Variants in CFAP47 observed in about 807,000 individuals in gnomAD.
The protein encoded by CFAP47 is cilia and flagella associated protein 47.
In CFAP47, 29 loss-of-function variants were observed where a neutral mutation model predicts 148.1. That is an observed-to-expected ratio of 0.20 (90% CI 0.15 to 0.27). The LOEUF is 0.27. Ranked by LOEUF, CFAP47 falls within the 10% of genes least tolerant of loss-of-function variation. The pLI is 1.00. For synonymous variants in CFAP47, 664 were observed against 577.3 expected, an observed-to-expected ratio of 1.15 and a Z score of -2.15; for missense variants, 1,872 against 1,697.5, an observed-to-expected ratio of 1.10 and a Z score of -1.81.
intron 62 of CFAP47, among the ~76,000 whole-genome samples, chrX:36,377,362 G>C (rs992390611): frequency 7.1e-5 from 8 of 111,937 alleles, no homozygotes; most frequent in African/African-American, 1.6e-4. Flanking sequence ...ATTTGCATTT[G>C]TCTGATGGCC....
intron 39 of CFAP47, among the ~76,000 whole-genome samples, chrX:36,170,562 T>C (rs1322094202): frequency 1.8e-5 from 2 of 110,917 alleles, no homozygotes; most frequent in Non-Finnish European, 3.8e-5. Context: ...TTTTTTGTTC[T>C]TGTGATAGTT....
intron 15 of CFAP47, 56 bp downstream of exon 15, chrX:35,975,969 T>G (rs1569221676): frequency 1.8e-6 from 2 of 1,129,334 alleles, no homozygotes; most frequent in East Asian, 6.0e-5. Context: ...TATTCATGTA[T>G]TCTGGTATTA....
At chrX:35,972,120 TGA>T (rs905903160) in intron 13 of CFAP47, among the ~76,000 whole-genome samples, 155 bp downstream of exon 13, 1 of 112,519 alleles carries the variant, frequency 8.9e-6, no homozygotes, top group Non-Finnish European at 1.9e-5. Flanking sequence ...TAAGTATGAC[TGA>T]GAGAATTAAC....
At chrX:36,309,253 A>C (rs782591168) in intron 55 of CFAP47, among the ~76,000 whole-genome samples, 1 of 110,988 alleles carries the variant, frequency 9.0e-6, no homozygotes. Flanking sequence ...AAGAAGTTAT[A>C]AAATCAGTGG....
chrX:36,071,888 C>T lies in CFAP47; in HGVS notation c.4382C>T (p.Pro1461Leu). Residue 1461 changes from proline (P) to leucine (L), a missense_variant, in exon 28 of 64, where the codon CCA becomes CTA. Transcript: ENST00000378653. ...GVLPPYQDAK[P>L]PSPASIKKTY... The stretch of plus-strand genomic sequence containing the variant: ...TTGCCTCCCTACCAGGATGCTAAAC[C>T]ACCCTCTCCTGCTTCAATTAAAAAG... The T allele has an allele frequency of 1.7e-6, 2 of 1,204,807 alleles. No individual in the cohort carries two copies. The highest frequency in any genetic ancestry group is 2.2e-6 in the Non-Finnish European group (2 of 889,886).
intron 25 of CFAP47, 148 bp downstream of exon 25, chrX:36,039,327 A>C: frequency 3.2e-6 from 1 of 315,276 alleles, no homozygotes; most frequent in East Asian, 5.1e-5. Context: ...TTTAACAAAA[A>C]AACCAAAAAA....
intron 26 of CFAP47, 56 bp from the exon 27 acceptor site, chrX:36,065,587 G>A (rs931450676): frequency 6.2e-6 from 4 of 647,437 alleles, no homozygotes; most frequent in African/African-American, 4.4e-5. Context: ...TAAATGCATG[G>A]CATTTACTGC....
chrX:36,359,585 A>G (rs1602125383), intron 60 of CFAP47, among the ~76,000 whole-genome samples: 1 of 111,516 alleles, frequency 9.0e-6, no homozygotes, highest in East Asian at 2.8e-4. Context: ...ATTTGTATAT[A>G]TATTTACTTT....
intron 57 of CFAP47, among the ~76,000 whole-genome samples, chrX:36,320,155 C>A (rs1941467307): frequency 9.0e-6 from 1 of 111,210 alleles, no homozygotes; most frequent in Admixed American, 9.6e-5. Flanking sequence ...TATTAACCAC[C>A]CCACCTGTGT....
At chrX:36,153,193 G>C (rs1309270484) in intron 37 of CFAP47, among the ~76,000 whole-genome samples, 1 of 112,000 alleles carries the variant, frequency 8.9e-6, no homozygotes, top group African/African-American at 3.2e-5. Flanking sequence ...TACAATGATG[G>C]AATAGGCGTA....
chrX:36,133,984 CAATTA>C (rs891388438), intron 33 of CFAP47, among the ~76,000 whole-genome samples: 7 of 109,909 alleles, frequency 6.4e-5, no homozygotes, highest in African/African-American at 2.0e-4. Context: ...GATCACTATA[CAATTA>C]AATTAAATTA....
At chrX:36,261,990 C>T (rs918643822) in intron 49 of CFAP47, among the ~76,000 whole-genome samples, 1 of 110,150 alleles carries the variant, frequency 9.1e-6, no homozygotes, top group African/African-American at 3.3e-5. Flanking sequence ...GGTGGCTGGC[C>T]GGGCGGGGGC....
chrX:36,009,064 T>C (rs1601929130), intron 21 of CFAP47, among the ~76,000 whole-genome samples: 1 of 111,287 alleles, frequency 9.0e-6, no homozygotes, highest in East Asian at 2.8e-4. Flanking sequence ...AGAAACTAAG[T>C]GACACATTGA....
At chrX:36,251,490 A>C (rs1447344417) in intron 49 of CFAP47, 46 bp downstream of exon 49, 3 of 449,345 alleles carry the variant, frequency 6.7e-6, no homozygotes, top group Non-Finnish European at 7.8e-6. Flanking sequence ...CTACTACGCT[A>C]AGATGGAAAT....
intron 51 of CFAP47, among the ~76,000 whole-genome samples, chrX:36,298,237 C>G (rs782323179): frequency 1.9e-5 from 2 of 104,323 alleles, no homozygotes; most frequent in Non-Finnish European, 3.9e-5. Context: ...CCATAAAAAA[C>G]GATGAGTTCA....
intron 48 of CFAP47, among the ~76,000 whole-genome samples, chrX:36,237,487 G>A (rs193194844): frequency 1.1e-3 from 122 of 111,172 alleles, no homozygotes; most frequent in African/African-American, 3.6e-3. Context: ...GTGCCACCAC[G>A]CCCAGCTACT....
intron 24 of CFAP47, among the ~76,000 whole-genome samples, chrX:36,036,564 A>G (rs1162367083): frequency 8.9e-6 from 1 of 111,839 alleles, no homozygotes; most frequent in Non-Finnish European, 1.9e-5. Context: ...ACTGGATCAT[A>G]TGGTAGTTCT....
At chrX:36,236,657 A>T (rs1555994721) in intron 47 of CFAP47, 29 bp from the exon 48 acceptor site, 1 of 519,882 alleles carries the variant, frequency 1.9e-6, no homozygotes, top group Admixed American at 2.7e-5. Flanking sequence ...TGACTCCTAT[A>T]GACCTGAAAT....
chrX:36,106,390 G>C (rs1296124759), intron 33 of CFAP47, among the ~76,000 whole-genome samples: 1 of 111,724 alleles, frequency 9.0e-6, no homozygotes, highest in African/African-American at 3.3e-5. Flanking sequence ...TCTTAGCTTT[G>C]TCCTGGTATA....
Sources: gnomAD v4.1 joint callset for allele counts (sites outside exome capture counted in the v4.1 genomes callset) on GRCh38, gnomAD v4.1.1 for gene constraint, MANE v1.5 for transcripts, NCBI Gene and HGNC (gene_info 2026-07-23, HGNC 2026-07-21) for gene names.